PEX3: variants seen among roughly 807,000 people sequenced by gnomAD.
The protein encoded by PEX3 is peroxin-3.
PEX3 carries 30 observed loss-of-function variants against 55.8 expected under a neutral mutation model. The ratio of observed to expected loss-of-function variants is 0.54; its 90% CI spans 0.40 to 0.73. The LOEUF (loss-of-function observed/expected upper bound fraction) is 0.73, where lower values mean the gene tolerates loss of function less well. Among genes scored for constraint, PEX3 ranks in the 30% least tolerant of loss-of-function variants. The pLI is 0.00. For synonymous variants in PEX3, 135 were observed against 148.4 expected (o/e 0.91, Z 0.66); for missense variants, 351 against 432.8 (o/e 0.81, Z 1.68).
chr6:143,478,056 T>A (rs766923867), intron 9 of PEX3, among the ~76,000 whole-genome samples: 2 of 152,118 alleles, frequency 1.3e-5, no homozygotes, highest in Non-Finnish European at 2.9e-5. Flanking sequence ...GGATAAAATC[T>A]GATGTATTCA....
At chr6:143,481,904 GC>G (rs1429273559) in intron 10 of PEX3, among the ~76,000 whole-genome samples, 2 of 150,956 alleles carry the variant, frequency 1.3e-5, no homozygotes, top group Non-Finnish European at 3.0e-5. Flanking sequence ...AGAGTTCAAG[GC>G]CACAGTGAGC....
In PEX3 at chr6:143,490,014, T is replaced by G. The variant is rs1780366148; in HGVS notation, c.*788T>G. 1 of 152,176 alleles carries G rather than the reference T, an allele frequency of 6.6e-6. No homozygotes were observed. The highest frequency in any genetic ancestry group is 1.5e-5 in the Non-Finnish European group (1 of 68,020). The allele number at this position is 152,176 out of a possible 1,614,324, so 9.4% of individuals were successfully genotyped here. A position where few individuals can be genotyped will look rare whatever the true frequency, so the allele number is the denominator to read the frequency against. On this transcript the variant is annotated 3_prime_UTR_variant, in exon 12 of 12. Transcript: ENST00000367591. The surrounding 1 kb of genome is among the most constrained non-coding windows in gnomAD (Gnocchi z 6.0). The stretch of plus-strand genomic sequence containing the variant: ...AATAAACTATTTTAGTAAAATATTA[T>G]TTTGTTGAGTTAATATTTTTCAGCT...
rs772461034 is a variant in PEX3 at position 143,477,325 on chromosome 6, G to A, written c.819-1751G>A. ...AAACTCCATGAGACGAGTAATTTTT[G>A]TCTGTTTAGCTCACCAATGTATCTT... On this transcript the variant is annotated intron_variant, in intron 9 of 11. Coordinates refer to ENST00000367591, the MANE Select transcript of PEX3 (RefSeq NM_003630.3). Among the ~76,000 whole-genome samples the A allele has an allele frequency of 1.4e-4, 22 of 152,128 alleles. 1 individual carries two copies. The highest frequency in any genetic ancestry group is 4.8e-5 in the African/African-American group (2 of 41,440).
chr6:143,452,461 A>G (rs950764336), intron 1 of PEX3, among the ~76,000 whole-genome samples: 1 of 152,208 alleles, frequency 6.6e-6, no homozygotes, highest in African/African-American at 2.4e-5. Flanking sequence ...TGAAGGAAGG[A>G]AAATTATCTC....
chr6:143,490,489 C>A lies in PEX3; in HGVS notation c.*1263C>A. The stretch of plus-strand genomic sequence containing the variant: ...GCCCTCACCATAGACACCTCTGAGC[C>A]CACTGGCATTGTCTCTGAGCAGAAG... On this transcript the variant is annotated 3_prime_UTR_variant, in exon 12 of 12. Transcript: ENST00000367591. This position sits in a 1 kb window ranked among gnomAD's most constrained non-coding sequence, Gnocchi z 6.0. 1 of 271,932 alleles carries A rather than the reference C, an allele frequency of 3.7e-6. No individual in the cohort carries two copies. Among genetic ancestry groups the A allele is most frequent in the Non-Finnish European group, 7.2e-6 (1 of 139,406 alleles). The allele number at this position is 271,932 out of a possible 1,614,324, so 16.8% of individuals were successfully genotyped here.
intron 9 of PEX3, among the ~76,000 whole-genome samples, chr6:143,477,226 T>C (rs1295025845): frequency 6.6e-6 from 1 of 152,062 alleles, no homozygotes; most frequent in Non-Finnish European, 1.5e-5. Context: ...TTCTGAGAAA[T>C]AGACAGTATT....
intron 3 of PEX3, among the ~76,000 whole-genome samples, 197 bp from the exon 4 acceptor site, chr6:143,467,925 T>A (rs544099361): frequency 6.6e-6 from 1 of 152,290 alleles, no homozygotes; most frequent in South Asian, 2.1e-4. Context: ...TGTAAGAATA[T>A]ATACCAGTTA....
Position 143,479,757 on chromosome 6 carries a change from G to T in PEX3, c.941+559G>T, listed in dbSNP as rs1479627155. On this transcript the variant is annotated intron_variant, in intron 10 of 11. Coordinates refer to ENST00000367591, the MANE Select transcript of PEX3 (RefSeq NM_003630.3). The surrounding 1 kb of genome is among the most constrained non-coding windows in gnomAD (Gnocchi z 4.6). ...AACTATTACTAAATCATGGACTTATGTATGCCATAAGGTATCTTACGGTTT... is the reference window on the plus strand; with the variant it reads ...AACTATTACTAAATCATGGACTTATTTATGCCATAAGGTATCTTACGGTTT... Among the ~76,000 whole-genome samples, 1 of 152,068 alleles carries T rather than the reference G, an allele frequency of 6.6e-6. No individual in the cohort carries two copies. Among genetic ancestry groups the T allele is most frequent in the Non-Finnish European group, 1.5e-5 (1 of 67,948 alleles).
In PEX3 at chr6:143,464,670, T is replaced by C. The variant is rs1413236219; in HGVS notation, c.287+1673T>C. On this transcript the variant is annotated intron_variant, in intron 3 of 11. Coordinates refer to ENST00000367591, the MANE Select transcript of PEX3 (RefSeq NM_003630.3). The surrounding 1 kb of genome is among the most constrained non-coding windows in gnomAD (Gnocchi z 5.8). ...TTAAATATCTCAATGTTACTTCTTCTTGGCTTTCTTTTGATTTGAAATTAC... is the reference window on the plus strand; with the variant it reads ...TTAAATATCTCAATGTTACTTCTTCCTGGCTTTCTTTTGATTTGAAATTAC... 5.9e-5 allele frequency among the ~76,000 whole-genome samples: 9 copies of C among 151,936 alleles called. No homozygotes were observed. The highest frequency in any genetic ancestry group is 9.7e-5 in the African/African-American group (4 of 41,438).
intron 4 of PEX3, among the ~76,000 whole-genome samples, chr6:143,468,829 C>T (rs1780030907): frequency 9.3e-6 from 1 of 106,956 alleles, no homozygotes; most frequent in Non-Finnish European, 1.8e-5. Flanking sequence ...CACGACAGGC[C>T]CCAGTGTCGA....
chr6:143,470,859 G>A (rs1780064120), intron 4 of PEX3, 102 bp from the exon 5 acceptor site: 1 of 899,150 alleles, frequency 1.1e-6, no homozygotes, highest in South Asian at 1.5e-5. Flanking sequence ...TTGTAAATAT[G>A]TTTTTAAAAG....
rs1332882332 is a variant in PEX3 at position 143,459,576 on chromosome 6, G to A, written c.205+360G>A. On this transcript the variant is annotated intron_variant, in intron 2 of 11. Coordinates refer to ENST00000367591, the MANE Select transcript of PEX3 (RefSeq NM_003630.3). The surrounding 1 kb of genome is among the most constrained non-coding windows in gnomAD (Gnocchi z 4.2). Reference sequence around the variant, plus strand: ...ATATGGAACATAAAGCCATGTGAGGGCTGGAACGTTCTTTAAGACAGGGGA... The same window carrying A: ...ATATGGAACATAAAGCCATGTGAGGACTGGAACGTTCTTTAAGACAGGGGA... Among the ~76,000 whole-genome samples, 1 of 152,180 alleles carries A rather than the reference G, an allele frequency of 6.6e-6. No homozygotes were observed. Among genetic ancestry groups the A allele is most frequent in the Non-Finnish European group, 1.5e-5 (1 of 68,038 alleles).
At chr6:143,456,826 A>G (rs1779851217) in intron 1 of PEX3, among the ~76,000 whole-genome samples, 2 of 152,334 alleles carry the variant, frequency 1.3e-5, no homozygotes, top group Middle Eastern at 3.4e-3. Context: ...TTAGAATATC[A>G]AAGTGTGGCT....
rs1291061406 is a variant in PEX3, at chr6:143,483,761, A to G, written c.942-1391A>G. 6.6e-6 allele frequency among the ~76,000 whole-genome samples: 1 copy of G among 152,122 alleles called. No homozygotes were observed. The highest frequency in any genetic ancestry group is 1.5e-5 in the Non-Finnish European group (1 of 68,008). The stretch of plus-strand genomic sequence containing the variant: ...CAAATGGATGAATGAAGACTTATTA[A>G]TCAATTCAACAAGTATGTATTGGAT... On this transcript the variant is annotated intron_variant, in intron 10 of 11. Coordinates refer to ENST00000367591, the MANE Select transcript of PEX3 (RefSeq NM_003630.3). This position sits in a 1 kb window ranked among gnomAD's most constrained non-coding sequence, Gnocchi z 4.3.
At position 143,471,530 on chromosome 6, in the gene PEX3, C is replaced by T. The variant is rs1186789765; in HGVS notation, c.524-27C>T. 9 of 1,592,534 alleles carry T rather than the reference C, an allele frequency of 5.7e-6. No individual in the cohort carries two copies. The highest frequency in any genetic ancestry group is 3.4e-4 in the Middle Eastern group (2 of 5,944). On this transcript the variant is annotated intron_variant, in intron 6 of 11. Coordinates refer to ENST00000367591, the MANE Select transcript of PEX3 (RefSeq NM_003630.3). This position sits in a 1 kb window ranked among gnomAD's most constrained non-coding sequence, Gnocchi z 5.4. ...TGAGGAATTTTTAAACTAAGCAAGGCTTTTAGGTTTGTTTTTTCTTTAATA... is the reference window on the plus strand; with the variant it reads ...TGAGGAATTTTTAAACTAAGCAAGGTTTTTAGGTTTGTTTTTTCTTTAATA...
chr6:143,484,863 G>C (rs1780291877), intron 10 of PEX3: 1 of 365,978 alleles, frequency 2.7e-6, no homozygotes, highest in Non-Finnish European at 5.1e-6. Flanking sequence ...CTTTTAATAA[G>C]ATGGAAAATA....
rs1333960351 is a variant in PEX3 at position 143,485,793 on chromosome 6, T to C, written c.1038+545T>C. 2.0e-5 allele frequency among the ~76,000 whole-genome samples: 3 copies of C among 152,136 alleles called. No homozygotes were observed. The highest frequency in any genetic ancestry group is 2.9e-5 in the Non-Finnish European group (2 of 68,004). Reference sequence around the variant, plus strand: ...ATTTGGAATGCATGGAGTAATTCAGTAATTCATTGAGTAATTCAGTAATTC... The same window carrying C: ...ATTTGGAATGCATGGAGTAATTCAGCAATTCATTGAGTAATTCAGTAATTC... On this transcript the variant is annotated intron_variant, in intron 11 of 11. Transcript: ENST00000367591. The surrounding 1 kb of genome is among the most constrained non-coding windows in gnomAD (Gnocchi z 5.6).
intron 3 of PEX3, among the ~76,000 whole-genome samples, chr6:143,467,007 A>T (rs1347154755): frequency 6.6e-6 from 1 of 152,008 alleles, no homozygotes; most frequent in African/African-American, 2.4e-5. Flanking sequence ...AATTAACCTA[A>T]ATATGATTCT....
intron 2 of PEX3, among the ~76,000 whole-genome samples, chr6:143,460,637 G>A (rs1197499559): frequency 6.6e-6 from 1 of 152,120 alleles, no homozygotes; most frequent in Non-Finnish European, 1.5e-5. Context: ...GGCCGAGGCT[G>A]GTGGATCACC....
Sources: gnomAD v4.1 joint callset for allele counts (sites outside exome capture counted in the v4.1 genomes callset) on GRCh38, gnomAD v4.1.1 for gene constraint, Gnocchi (gnomAD v3.1) non-coding constraint, MANE v1.5 for transcripts, NCBI Gene and HGNC (gene_info 2026-07-23, HGNC 2026-07-21) for gene names.